ERC2: variants seen among roughly 807,000 people sequenced by gnomAD.
The protein encoded by ERC2 is ELKS/RAB6-interacting/CAST family member 2, also known as ERC protein 2.
ERC2 carries 42 observed loss-of-function variants against 114.8 expected under a neutral mutation model. The ratio of observed to expected loss-of-function variants is 0.37; its 90% CI spans 0.29 to 0.47. The LOEUF (loss-of-function observed/expected upper bound fraction) is 0.47, where lower values mean the gene tolerates loss of function less well. Ranked by LOEUF, ERC2 falls within the 20% of genes least tolerant of loss-of-function variation. The probability of loss-of-function intolerance (pLI) is 0.99; values close to 1 mark genes in which losing one functional copy is unlikely to be tolerated. For missense variants in ERC2, 939 were observed against 1,150.7 expected, an observed-to-expected ratio of 0.82 and a Z score of 2.66; for synonymous variants, 454 against 425.5, an observed-to-expected ratio of 1.07 and a Z score of -0.82.
intron 17 of ERC2, among the ~76,000 whole-genome samples, chr3:55,588,977 G>A (rs187507185): frequency 4.1e-4 from 62 of 152,154 alleles, no homozygotes; most frequent in African/African-American, 1.5e-3. Context: ...GGAGGGTAGG[G>A]CAAGCATTAA....
At chr3:56,335,874 G>A (rs1021682528) in intron 2 of ERC2, among the ~76,000 whole-genome samples, 1 of 152,136 alleles carries the variant, frequency 6.6e-6, no homozygotes, top group Non-Finnish European at 1.5e-5. Context: ...CGGGACTTGG[G>A]GAGAAACAGG....
At chr3:56,065,839 G>C (rs1418801642) in intron 7 of ERC2, among the ~76,000 whole-genome samples, 1 of 151,998 alleles carries the variant, frequency 6.6e-6, no homozygotes, top group Non-Finnish European at 1.5e-5. Flanking sequence ...GAGGATGATG[G>C]CTTCCAGCTT....
At chr3:55,808,363 C>A (rs1366016840) in intron 14 of ERC2, among the ~76,000 whole-genome samples, 1 of 152,116 alleles carries the variant, frequency 6.6e-6, no homozygotes, top group East Asian at 1.9e-4. Context: ...GTATCCCAGG[C>A]AGATCTTTTT....
intron 6 of ERC2, among the ~76,000 whole-genome samples, chr3:56,112,645 G>T (rs2079025566): frequency 6.6e-6 from 1 of 152,130 alleles, no homozygotes; most frequent in Non-Finnish European, 1.5e-5. Flanking sequence ...AAATTCGTAA[G>T]TTCAGGGGTA....
chr3:55,884,030 ATGT>A (rs1197581877), intron 14 of ERC2, among the ~76,000 whole-genome samples: 4 of 152,228 alleles, frequency 2.6e-5, no homozygotes, highest in African/African-American at 7.2e-5. Flanking sequence ...TCCTCATGTG[ATGT>A]TGTACTTTAG....
At chr3:55,585,591 G>A (rs2057556668) in intron 17 of ERC2, among the ~76,000 whole-genome samples, 1 of 152,114 alleles carries the variant, frequency 6.6e-6, no homozygotes, top group South Asian at 2.1e-4. Flanking sequence ...CATAGGGTGT[G>A]GCTCAAAAAC....
chr3:55,955,010 C>A (rs905657201), intron 12 of ERC2: 2 of 329,244 alleles, frequency 6.1e-6, no homozygotes, highest in Non-Finnish European at 1.2e-5. Flanking sequence ...CATGGAAAAG[C>A]CTTCAGGATA....
intron 2 of ERC2, among the ~76,000 whole-genome samples, chr3:56,343,188 T>TCACACACACACA (rs1247948473): frequency 0.18 from 5,520 of 31,068 alleles, 196 homozygotes; most frequent in Admixed American, 0.37. Context: ...TCTCTCTCTC[T>TCACACACACACA]CTCTCACACA....
chr3:56,010,089 G>C (rs2072798565), intron 9 of ERC2, among the ~76,000 whole-genome samples: 1 of 152,166 alleles, frequency 6.6e-6, no homozygotes. Flanking sequence ...ACCCAATAAA[G>C]TAGAGCTATT....
intron 7 of ERC2, among the ~76,000 whole-genome samples, chr3:56,050,011 A>T (rs771687940): frequency 1.3e-5 from 2 of 152,302 alleles, no homozygotes; most frequent in African/African-American, 2.4e-5. Flanking sequence ...TACAAAAGGC[A>T]AAACTATTGG....
intron 15 of ERC2, among the ~76,000 whole-genome samples, chr3:55,720,599 A>T (rs1173153382): frequency 6.6e-6 from 1 of 151,980 alleles, no homozygotes; most frequent in Non-Finnish European, 1.5e-5. Flanking sequence ...GGGTTCTTTG[A>T]AGACAATGTT....
intron 17 of ERC2, among the ~76,000 whole-genome samples, chr3:55,623,490 T>C (rs1431625705): frequency 6.6e-6 from 1 of 152,250 alleles, no homozygotes; most frequent in Non-Finnish European, 1.5e-5. Flanking sequence ...CTGGTTCTCT[T>C]CGCCCTCTTG....
chr3:56,305,804 T>C (rs2056187054), intron 2 of ERC2, among the ~76,000 whole-genome samples: 2 of 152,200 alleles, frequency 1.3e-5, no homozygotes, highest in Admixed American at 1.3e-4. Context: ...TAAATAAAGT[T>C]TTAGTGGAAC....
chr3:55,524,553 A>G (rs2053184907), intron 17 of ERC2, among the ~76,000 whole-genome samples: 1 of 137,796 alleles, frequency 7.3e-6, no homozygotes, highest in East Asian at 2.2e-4. Context: ...ACTTTCAAGG[A>G]TATTTCTGTG....
chr3:56,374,803 A>C (rs2059480443), intron 2 of ERC2, among the ~76,000 whole-genome samples: 1 of 152,232 alleles, frequency 6.6e-6, no homozygotes, highest in African/African-American at 2.4e-5. Context: ...AACAGAGCAA[A>C]GGCTACAACC....
intron 1 of ERC2, among the ~76,000 whole-genome samples, chr3:56,443,792 T>C (rs932277879): frequency 6.6e-6 from 1 of 152,054 alleles, no homozygotes; most frequent in African/African-American, 2.4e-5. Flanking sequence ...ATGTCTTCCA[T>C]TGCCCATTAC....
At chr3:55,572,702 G>A (rs1279647798) in intron 17 of ERC2, among the ~76,000 whole-genome samples, 2 of 152,268 alleles carry the variant, frequency 1.3e-5, no homozygotes, top group African/African-American at 4.8e-5. Context: ...GGGGCCAGGT[G>A]TAAACCCCTG....
At position 55,817,026 on chromosome 3, in the gene ERC2, C is replaced by A. The variant is rs185121958; in HGVS notation, c.2564+71363G>T. ...CTAGTCTCAGGCTCCACTGAGCACACGATGCTTCAAATAACCACTTTCAAA... is the reference window on the plus strand; with the variant it reads ...CTAGTCTCAGGCTCCACTGAGCACAAGATGCTTCAAATAACCACTTTCAAA... On this transcript the variant is annotated intron_variant, in intron 14 of 17. Coordinates refer to ENST00000288221, the MANE Select transcript of ERC2 (RefSeq NM_015576.3). Among the ~76,000 whole-genome samples, 15 of 152,242 alleles carry A rather than the reference C, an allele frequency of 9.9e-5. No homozygotes were observed. In the East Asian group the frequency reaches 2.9e-3, roughly 29 times the overall value.
chr3:56,279,958 T>C (rs1054458563), intron 3 of ERC2, among the ~76,000 whole-genome samples: 2 of 152,166 alleles, frequency 1.3e-5, no homozygotes, highest in Non-Finnish European at 2.9e-5. Flanking sequence ...ATATGTTACT[T>C]TACATGGCAG....
Sources: gnomAD v4.1 joint callset for allele counts (sites outside exome capture counted in the v4.1 genomes callset) on GRCh38, gnomAD v4.1.1 for gene constraint, MANE v1.5 for transcripts, NCBI Gene and HGNC (gene_info 2026-07-23, HGNC 2026-07-21) for gene names.